RAPGEF5: variants seen among roughly 807,000 people sequenced by gnomAD.
RAPGEF5 encodes the protein M-Ras-regulated GEF.
Under a neutral mutation model 125.2 loss-of-function variants are expected in RAPGEF5, and 65 were observed. The observed-to-expected ratio is 0.52, with a 90% CI of 0.43 to 0.64. The LOEUF (loss-of-function observed/expected upper bound fraction) is 0.64. Ranked by LOEUF, RAPGEF5 falls within the 30% of genes least tolerant of loss-of-function variation. The pLI is 0.00. For synonymous variants in RAPGEF5, 391 were observed against 385.9 expected, an observed-to-expected ratio of 1.01 and a Z score of -0.16; for missense variants, 958 against 1,048.1, an observed-to-expected ratio of 0.91 and a Z score of 1.19.
At chr7:22,350,446 G>C (rs1360734343) in intron 1 of RAPGEF5, among the ~76,000 whole-genome samples, 2 of 152,288 alleles carry the variant, frequency 1.3e-5, no homozygotes, top group African/African-American at 4.8e-5. Context: ...CTTTTGCATA[G>C]AGTAAGCATC....
At chr7:22,165,148 C>T (rs543316210) in intron 12 of RAPGEF5, among the ~76,000 whole-genome samples, 29 of 152,162 alleles carry the variant, frequency 1.9e-4, no homozygotes, top group African/African-American at 6.0e-4. Flanking sequence ...TTTTGATTAT[C>T]GGTAAAAAGG....
chr7:22,345,107 C>T (rs1784197720), intron 1 of RAPGEF5, among the ~76,000 whole-genome samples: 1 of 152,226 alleles, frequency 6.6e-6, no homozygotes, highest in South Asian at 2.1e-4. Context: ...AACAAGCCCT[C>T]CAGGGATTCT....
At chr7:22,138,906 C>T (rs1318086559) in intron 21 of RAPGEF5, among the ~76,000 whole-genome samples, 2 of 152,198 alleles carry the variant, frequency 1.3e-5, no homozygotes, top group East Asian at 3.9e-4. Context: ...TCTAATGAAT[C>T]GTGGCATCTG....
chr7:22,162,231 T>C (rs1235820420), intron 13 of RAPGEF5, among the ~76,000 whole-genome samples, 166 bp downstream of exon 13: 2 of 152,176 alleles, frequency 1.3e-5, no homozygotes, highest in African/African-American at 4.8e-5. Flanking sequence ...AGATAGAGAA[T>C]ATCAAGCTTC....
chr7:22,129,667 A>C (rs1782854273), intron 24 of RAPGEF5, among the ~76,000 whole-genome samples: 1 of 152,224 alleles, frequency 6.6e-6, no homozygotes, highest in Non-Finnish European at 1.5e-5. Flanking sequence ...GTTTGACTGT[A>C]GCATCTAAAA....
intron 1 of RAPGEF5, among the ~76,000 whole-genome samples, chr7:22,347,410 T>C (rs1206709309): frequency 6.6e-6 from 1 of 152,190 alleles, no homozygotes; most frequent in Non-Finnish European, 1.5e-5. Flanking sequence ...ATAAAACACA[T>C]GGCTTACCAT....
intron 5 of RAPGEF5, among the ~76,000 whole-genome samples, chr7:22,304,787 A>G (rs1783294317): frequency 6.6e-6 from 1 of 152,212 alleles, no homozygotes; most frequent in African/African-American, 2.4e-5. Context: ...CTTTTTAGGA[A>G]GCTTGTTAAA....
intron 24 of RAPGEF5, among the ~76,000 whole-genome samples, chr7:22,127,405 G>C (rs1240463448): frequency 6.6e-6 from 1 of 152,168 alleles, no homozygotes; most frequent in Non-Finnish European, 1.5e-5. Flanking sequence ...TTTTGTACTT[G>C]CAAGAGTGAG....
intron 6 of RAPGEF5, among the ~76,000 whole-genome samples, chr7:22,275,094 C>T (rs1782526668): frequency 6.6e-6 from 1 of 152,134 alleles, no homozygotes; most frequent in Non-Finnish European, 1.5e-5. Context: ...GAATGCCTCC[C>T]CACCTCCCCG....
chr7:22,243,306 G>C (rs928364055), intron 7 of RAPGEF5, among the ~76,000 whole-genome samples: 2 of 152,126 alleles, frequency 1.3e-5, no homozygotes, highest in Admixed American at 6.5e-5. Context: ...ACCCAGGCTG[G>C]AGTACAGTGG....
intron 1 of RAPGEF5, among the ~76,000 whole-genome samples, chr7:22,355,273 C>T (rs1216518625): frequency 6.6e-6 from 1 of 152,170 alleles, no homozygotes; most frequent in Admixed American, 6.5e-5. Context: ...ATACGACACC[C>T]TCCCAGGCAG....
intron 11 of RAPGEF5, among the ~76,000 whole-genome samples, chr7:22,167,530 G>A (rs905701226): frequency 6.6e-6 from 1 of 152,136 alleles, no homozygotes; most frequent in African/African-American, 2.4e-5. Context: ...GTCCTACGGG[G>A]AATAAAGCCT....
At chr7:22,180,061 G>C (rs959673766) in intron 11 of RAPGEF5, among the ~76,000 whole-genome samples, 6 of 152,172 alleles carry the variant, frequency 3.9e-5, no homozygotes, top group Non-Finnish European at 7.3e-5. Context: ...TCTTGCGTGA[G>C]ACACAAAGAC....
intron 7 of RAPGEF5, among the ~76,000 whole-genome samples, chr7:22,252,193 T>G (rs1045451979): frequency 6.6e-6 from 1 of 152,210 alleles, no homozygotes; most frequent in Non-Finnish European, 1.5e-5. Flanking sequence ...CAAGAAGAAG[T>G]AGGACTCTGA....
intron 7 of RAPGEF5, among the ~76,000 whole-genome samples, chr7:22,246,226 T>C (rs930461205): frequency 3.9e-5 from 6 of 152,236 alleles, no homozygotes; most frequent in Admixed American, 3.9e-4. Context: ...GAAAAAACTA[T>C]TCTAAAATTC....
chr7:22,194,568 A>T, intron 9 of RAPGEF5: 1 of 981,784 alleles, frequency 1.0e-6, no homozygotes, highest in Non-Finnish European at 1.2e-6. Flanking sequence ...AAAACTACCC[A>T]CTCCATCATT....
chr7:22,277,571 T>C (rs560547292), intron 6 of RAPGEF5, among the ~76,000 whole-genome samples: 2 of 152,274 alleles, frequency 1.3e-5, no homozygotes, highest in African/African-American at 4.8e-5. Context: ...AACTGGAAGC[T>C]CTAGGGGAGC....
intron 11 of RAPGEF5, among the ~76,000 whole-genome samples, chr7:22,187,524 C>T (rs1784860990): frequency 6.6e-6 from 1 of 152,234 alleles, no homozygotes; most frequent in Non-Finnish European, 1.5e-5. Context: ...ACAGAACCCA[C>T]ACAAAAATCC....
chr7:22,239,600 G>A (rs1367521477), intron 7 of RAPGEF5, among the ~76,000 whole-genome samples: 3 of 152,036 alleles, frequency 2.0e-5, no homozygotes, highest in South Asian at 4.2e-4. Context: ...CTGCCCTACA[G>A]CAGAGAGGAC....
Sources: allele counts gnomAD v4.1 joint callset (sites outside exome capture counted in the v4.1 genomes callset), GRCh38; gene constraint gnomAD v4.1.1; transcripts MANE v1.5; gene names NCBI Gene and HGNC (gene_info 2026-07-23, HGNC 2026-07-21).